SRSF11: variants seen among roughly 807,000 people sequenced by gnomAD.
SRSF11 encodes serine and arginine rich splicing factor 11.
A neutral mutation model predicts 56.0 loss-of-function variants in SRSF11; 9 were observed. That is an observed-to-expected ratio of 0.16 (90% CI 0.10 to 0.28). SRSF11 has a LOEUF of 0.28. Among genes scored for constraint, SRSF11 ranks in the 10% least tolerant of loss-of-function variants. SRSF11 has a pLI of 1.00. For synonymous variants in SRSF11, 222 were observed against 215.3 expected, an observed-to-expected ratio of 1.03 and a Z score of -0.27; for missense variants, 421 against 600.7, an observed-to-expected ratio of 0.70 and a Z score of 3.13.
At chr1:70,236,783 A>G (rs538563486) in intron 5 of SRSF11, among the ~76,000 whole-genome samples, 7 of 131,218 alleles carry the variant, frequency 5.3e-5, no homozygotes, top group Non-Finnish European at 1.1e-4. Flanking sequence ...AAAAATTACT[A>G]TGTCATAAAT....
Position 70,229,971 on chromosome 1 carries a change from A to AC in SRSF11, c.337+1418dup, listed in dbSNP as rs1326106722. 3 of 985,210 alleles carry AC rather than the reference A, an allele frequency of 3.0e-6. No homozygotes were observed. The African/African-American group carries it at 5.2e-5, about 17-fold the overall frequency. The allele number at this position is 985,210 out of a possible 1,614,324, so 61.0% of individuals were successfully genotyped here. A position where few individuals can be genotyped will look rare whatever the true frequency, so the allele number is the denominator to read the frequency against. On this transcript the variant is annotated intron_variant, in intron 2 of 11. Coordinates refer to ENST00000370949, the MANE Select transcript of SRSF11 (RefSeq NM_001350605.2). The stretch of plus-strand genomic sequence containing the variant: ...GTCAGTGTGCCTGTTGTAGGATAAG[A>AC]CCATCAACAGAAAATTTACAGAATT...
intron 2 of SRSF11, chr1:70,230,588 A>T: frequency 7.8e-7 from 1 of 1,287,190 alleles, no homozygotes; most frequent in Non-Finnish European, 1.0e-6. Context: ...CAGCAGTAAA[A>T]AAAATACTCT....
rs111602547 is a variant in SRSF11, at chr1:70,239,965, A to G, written c.800+445A>G. On this transcript the variant is annotated intron_variant, in intron 7 of 11. Coordinates refer to ENST00000370949, the MANE Select transcript of SRSF11 (RefSeq NM_001350605.2). Reference sequence around the variant, plus strand: ...TTTTCTCAGATTTTTATCATTGGCAACAGATTCATCTATTTTCCTTATATA... The same window carrying G: ...TTTTCTCAGATTTTTATCATTGGCAGCAGATTCATCTATTTTCCTTATATA... Among the ~76,000 whole-genome samples the G allele has an allele frequency of 8.2e-3, 1,248 of 152,316 alleles. 16 individuals carry two copies. The highest frequency in any genetic ancestry group is 0.028 in the African/African-American group (1,146 of 41,568).
In SRSF11 at chr1:70,221,696, TGGCGGAGGTGGTGGTGGC is replaced by T. The variant is rs772462405; in HGVS notation, c.69_86del (p.Gly26_Gly31del). 1 of 1,610,428 alleles carries T rather than the reference TGGCGGAGGTGGTGGTGGC, an allele frequency of 6.2e-7. No homozygotes were observed. Among genetic ancestry groups the T allele is most frequent in the Non-Finnish European group, 8.5e-7 (1 of 1,178,076 alleles). ...GTCCGGGCCCCAGCGGCGGGCCCGG[TGGCGGAGGTGGTGGTGGC>T]GGCGGAGGCGGCGGCACCGAGGTAA... On this transcript the variant is annotated inframe_deletion, in exon 1 of 12. Coordinates refer to ENST00000370949, the MANE Select transcript of SRSF11 (RefSeq NM_001350605.2).
At chr1:70,245,487 A>G (rs1676544323) in intron 8 of SRSF11, among the ~76,000 whole-genome samples, 2 of 152,230 alleles carry the variant, frequency 1.3e-5, no homozygotes, top group African/African-American at 2.4e-5. Context: ...CAAACAAGGT[A>G]GATTAATAGA....
intron 2 of SRSF11, chr1:70,232,029 T>G: frequency 1.3e-6 from 2 of 1,519,866 alleles, no homozygotes; most frequent in Non-Finnish European, 1.8e-6. Context: ...GTGCTATTTT[T>G]TTTTACTCTA....
At chr1:70,240,798 G>A (rs909842966) in intron 7 of SRSF11, among the ~76,000 whole-genome samples, 10 of 136,918 alleles carry the variant, frequency 7.3e-5, no homozygotes, top group South Asian at 2.3e-4. Flanking sequence ...TTTTTGAGAC[G>A]GAGTCTCACT....
intron 7 of SRSF11, among the ~76,000 whole-genome samples, chr1:70,241,632 A>G (rs1675423155): frequency 6.6e-6 from 1 of 152,202 alleles, no homozygotes; most frequent in African/African-American, 2.4e-5. Flanking sequence ...TACAGGACTA[A>G]TTGCCTCAAC....
chr1:70,226,510 A>G (rs961325958), intron 1 of SRSF11, among the ~76,000 whole-genome samples: 3 of 152,196 alleles, frequency 2.0e-5, no homozygotes, highest in Admixed American at 6.5e-5. Context: ...CTAAAGAACT[A>G]TTTATTAAAA....
chr1:70,249,834 A>C, intron 9 of SRSF11, 118 bp from the exon 10 acceptor site: 1 of 1,067,266 alleles, frequency 9.4e-7, no homozygotes, highest in Non-Finnish European at 1.4e-6. Context: ...TGCTGGGATT[A>C]TAGGCATGAG....
At chr1:70,231,968 G>A (rs1672919238) in intron 2 of SRSF11, 4 of 1,528,680 alleles carry the variant, frequency 2.6e-6, no homozygotes, top group South Asian at 2.4e-5. Flanking sequence ...CTTAAAAATC[G>A]AGTACAGGTG....
intron 1 of SRSF11, among the ~76,000 whole-genome samples, chr1:70,213,957 G>GCTTT (rs1307227151): frequency 6.6e-6 from 1 of 152,130 alleles, no homozygotes; most frequent in Non-Finnish European, 1.5e-5. Flanking sequence ...TCTTATTAAT[G>GCTTT]AAATGTACTG....
chr1:70,239,278 G>A (rs190083404), intron 6 of SRSF11, among the ~76,000 whole-genome samples, 161 bp from the exon 7 acceptor site: 12 of 152,128 alleles, frequency 7.9e-5, no homozygotes, highest in Admixed American at 7.9e-4. Context: ...TTTTTGTAGA[G>A]ATGAGGCCTC....
At chr1:70,236,595 G>T (rs1372723175) in intron 5 of SRSF11, among the ~76,000 whole-genome samples, 1 of 151,500 alleles carries the variant, frequency 6.6e-6, no homozygotes, top group Non-Finnish European at 1.5e-5. Context: ...TTCCCAAAGT[G>T]CTGGGCTTAC....
chr1:70,238,058 T>G (rs1330720587), intron 6 of SRSF11, among the ~76,000 whole-genome samples: 2 of 152,220 alleles, frequency 1.3e-5, no homozygotes, highest in Non-Finnish European at 2.9e-5. Flanking sequence ...TATATTTAGA[T>G]CTATGGCCCT....
At chr1:70,240,316 T>C (rs1206366630) in intron 7 of SRSF11, among the ~76,000 whole-genome samples, 1 of 152,228 alleles carries the variant, frequency 6.6e-6, no homozygotes. Flanking sequence ...TTTTTTCTTT[T>C]ACTGCAAGTG....
chr1:70,247,987 A>G (rs1677136609), intron 9 of SRSF11, among the ~76,000 whole-genome samples: 1 of 152,158 alleles, frequency 6.6e-6, no homozygotes, highest in Non-Finnish European at 1.5e-5. Flanking sequence ...TAGGATGGTT[A>G]TAAATCAAAA....
At chr1:70,207,713 C>G (rs376405914) in intron 1 of SRSF11, among the ~76,000 whole-genome samples, 1 of 149,092 alleles carries the variant, frequency 6.7e-6, no homozygotes, top group African/African-American at 2.5e-5. Flanking sequence ...ACAATAGATT[C>G]TTCTTTCGTT....
chr1:70,208,824 T>C (rs1176366456), intron 1 of SRSF11, among the ~76,000 whole-genome samples: 1 of 152,252 alleles, frequency 6.6e-6, no homozygotes, highest in Non-Finnish European at 1.5e-5. Flanking sequence ...TCCATTTCCA[T>C]TGTTTTAAGG....
Sources: gnomAD v4.1 joint callset for allele counts (sites outside exome capture counted in the v4.1 genomes callset) on GRCh38, gnomAD v4.1.1 for gene constraint, MANE v1.5 for transcripts, NCBI Gene and HGNC (gene_info 2026-07-23, HGNC 2026-07-21) for gene names.